Variants in TCF20 observed in about 807,000 individuals in gnomAD.
TCF20 encodes transcription factor 20.
TCF20 carries 3 observed loss-of-function variants against 148.6 expected under a neutral mutation model. The observed-to-expected ratio is 0.02, with a 90% CI of 0.01 to 0.05. The LOEUF (loss-of-function observed/expected upper bound fraction) is 0.05. Among genes scored for constraint, TCF20 ranks in the 10% least tolerant of loss-of-function variants. The probability of loss-of-function intolerance (pLI) is 1.00; values close to 1 mark genes in which losing one functional copy is unlikely to be tolerated. For missense variants in TCF20, 2,350 were observed against 2,429.3 expected, an observed-to-expected ratio of 0.97 and a Z score of 0.69; for synonymous variants, 1,049 against 909.5, an observed-to-expected ratio of 1.15 and a Z score of -2.76.
At chr22:42,199,173 T>C (rs747335879) in intron 2 of TCF20, among the ~76,000 whole-genome samples, 2 of 152,236 alleles carry the variant, frequency 1.3e-5, no homozygotes, top group Admixed American at 6.5e-5. Context: ...AATACTGTTA[T>C]CTTTATGTAA....
At position 42,168,723 on chromosome 22, in the gene TCF20, C is replaced by T. The variant is rs748425004; in HGVS notation, c.5813G>A (p.Cys1938Tyr). The change falls in exon 5 of 6, where the codon TGC (cysteine) becomes TAC (tyrosine). Residue 1938 changes from cysteine to tyrosine, a missense_variant. Cys to Tyr is a radical substitution (Grantham distance 194). Coordinates refer to ENST00000677622, the MANE Select transcript of TCF20 (RefSeq NM_001378418.1). ...RCPKHKPPLPCPLPPLQNKTA... is the reference protein window; with the variant it reads ...RCPKHKPPLPYPLPPLQNKTA... ...CTTGTTCTGCAAGGGGGGGAGAGGG[C>T]ACGGAAGGGGAGGCTGACACGGGCA... is the stretch of plus-strand genomic sequence containing the variant. 6.2e-7 allele frequency: 1 copy of T among 1,609,866 alleles called. No homozygotes were observed. The highest frequency in any genetic ancestry group is 1.7e-5 in the Admixed American group (1 of 59,688).
intron 1 of TCF20, among the ~76,000 whole-genome samples, chr22:42,324,095 A>T (rs868125368): frequency 0.041 from 424 of 10,302 alleles, 2 homozygotes; most frequent in East Asian, 0.055. Flanking sequence ...GTGGTGATGG[A>T]GGTTATGGTG....
chr22:42,203,892 G>A lies in TCF20; in HGVS notation c.5655+5759C>T, dbSNP rs74899189. The stretch of plus-strand genomic sequence containing the variant: ...TAGGAGCAGAGAACAGGAGTTGAAG[G>A]GAGCCTTCACCAGGATGGGGGCCTT... On this transcript the variant is annotated intron_variant, in intron 2 of 5. Transcript: ENST00000677622. 3.2e-3 allele frequency among the ~76,000 whole-genome samples: 485 copies of A among 152,242 alleles called. 5 individuals carry two copies. Among genetic ancestry groups the A allele is most frequent in the African/African-American group, 0.011 (467 of 41,542 alleles).
chr22:42,278,524 TG>T (rs1926831168), intron 1 of TCF20: 1 of 152,258 alleles, frequency 6.6e-6, no homozygotes, highest in Admixed American at 6.5e-5. Flanking sequence ...TCTCAGAGGC[TG>T]TTCCCCCTGC....
At chr22:42,195,500 C>CTTTTT (rs897311922) in intron 2 of TCF20, among the ~76,000 whole-genome samples, 1 of 141,700 alleles carries the variant, frequency 7.1e-6, no homozygotes, top group Non-Finnish European at 1.6e-5. Flanking sequence ...ATATTACATA[C>CTTTTT]TTTTTTTTTT....
intron 1 of TCF20, among the ~76,000 whole-genome samples, chr22:42,232,804 A>AG (rs1491192693): frequency 1.7e-5 from 2 of 117,168 alleles, no homozygotes; most frequent in Admixed American, 8.8e-5. Context: ...GTCTCCAAAA[A>AG]GAAAAAAAAA....
chr22:42,232,990 G>A (rs1038310686), intron 1 of TCF20, among the ~76,000 whole-genome samples: 1 of 151,986 alleles, frequency 6.6e-6, no homozygotes, highest in Admixed American at 6.6e-5. Context: ...GTGCAATCTC[G>A]GCTCAGTGCA....
chr22:42,216,538 T>C lies in TCF20; in HGVS notation c.-36-1197A>G, dbSNP rs533712223. ...CCCTCTCTCCACCACTCTCCTTCAA[T>C]TCCCAGGTACAAAGGGCTAGACTTA... On this transcript the variant is annotated intron_variant, in intron 1 of 5. Transcript: ENST00000677622. 5.9e-5 allele frequency among the ~76,000 whole-genome samples: 9 copies of C among 152,310 alleles called. No individual in the cohort carries two copies. The South Asian group carries it at 1.9e-3, about 32-fold the overall frequency.
chr22:42,240,314 C>G (rs1473046958), intron 1 of TCF20, among the ~76,000 whole-genome samples: 1 of 152,170 alleles, frequency 6.6e-6, no homozygotes, highest in Non-Finnish European at 1.5e-5. Flanking sequence ...CCAATACCAC[C>G]TGGTTTACCC....
chr22:42,182,390 C>A (rs1324075738), intron 2 of TCF20, among the ~76,000 whole-genome samples: 1 of 152,158 alleles, frequency 6.6e-6, no homozygotes, highest in East Asian at 1.9e-4. Flanking sequence ...CCAAGATGAC[C>A]ATGTGTCAGA....
intron 1 of TCF20, among the ~76,000 whole-genome samples, chr22:42,316,766 C>CAA (rs1927639991): frequency 6.6e-6 from 1 of 152,134 alleles, no homozygotes. Context: ...AGCCAGGATC[C>CAA]GAACACATCA....
At chr22:42,239,135 G>C (rs1924155136) in intron 1 of TCF20, among the ~76,000 whole-genome samples, 1 of 150,636 alleles carries the variant, frequency 6.6e-6, no homozygotes, top group Admixed American at 6.6e-5. Flanking sequence ...AAAAAAAAAA[G>C]TAACATCGAT....
intron 1 of TCF20, among the ~76,000 whole-genome samples, chr22:42,323,948 A>AGGTTGTGGTGGTGGTGGTGGTGGTGGT (rs1927799885): frequency 2.2e-5 from 1 of 44,550 alleles, no homozygotes; most frequent in African/African-American, 1.1e-4. Context: ...GTGGTGATGG[A>AGGTTGTGGTGGTGGTGGTGGTGGTGGT]GGTTATGGTG....
chr22:42,337,081 A>G (rs1184181039), intron 1 of TCF20, among the ~76,000 whole-genome samples: 1 of 152,176 alleles, frequency 6.6e-6, no homozygotes. Context: ...GAATGAGTGC[A>G]TGGAGTCCTG....
intron 1 of TCF20, among the ~76,000 whole-genome samples, chr22:42,323,867 T>TGGC (rs1177829827): frequency 8.2e-6 from 1 of 121,838 alleles, no homozygotes; most frequent in Non-Finnish European, 1.9e-5. Context: ...GTTATGGTGG[T>TGGC]GGTGGTGGTG....
intron 1 of TCF20, among the ~76,000 whole-genome samples, chr22:42,302,149 G>A (rs1927347957): frequency 6.6e-6 from 1 of 152,178 alleles, no homozygotes; most frequent in South Asian, 2.1e-4. Context: ...CCCCTCACTG[G>A]GCAGGTGCCT....
At chr22:42,298,886 G>C (rs563717986) in intron 1 of TCF20, among the ~76,000 whole-genome samples, 1 of 152,126 alleles carries the variant, frequency 6.6e-6, no homozygotes, top group Non-Finnish European at 1.5e-5. Context: ...CCAATGCCCC[G>C]GCCTCCAGGA....
chr22:42,211,318 C>A lies in TCF20; in HGVS notation c.3988G>T (p.Ala1330Ser). ...LPSPDSRNCP[A>S]VTLTSPAKTK... The stretch of plus-strand genomic sequence containing the variant: ...TTAGCAGGGCTTGTGAGGGTAACAG[C>A]AGGGCAGTTTCTACTATCTGGACTT... Residue 1330 changes from alanine (A) to serine (S), a missense_variant, in exon 2 of 6, where the codon GCT becomes TCT. By Grantham distance (99) the Ala-to-Ser change is moderately conservative. Coordinates refer to ENST00000677622, the MANE Select transcript of TCF20 (RefSeq NM_001378418.1). 6.2e-7 allele frequency: 1 copy of A among 1,614,146 alleles called. No individual in the cohort carries two copies. The highest frequency in any genetic ancestry group is 8.5e-7 in the Non-Finnish European group (1 of 1,180,038).
intron 1 of TCF20, among the ~76,000 whole-genome samples, chr22:42,260,204 A>G (rs1262714886): frequency 1.3e-5 from 2 of 152,154 alleles, no homozygotes; most frequent in Non-Finnish European, 2.9e-5. Flanking sequence ...GGTAGAAATG[A>G]GCTTGAGGAG....
Sources: gnomAD v4.1 joint callset for allele counts (sites outside exome capture counted in the v4.1 genomes callset) on GRCh38, gnomAD v4.1.1 for gene constraint, MANE v1.5 for transcripts, NCBI Gene and HGNC (gene_info 2026-07-23, HGNC 2026-07-21) for gene names.